Variants in DDX60L observed in about 807,000 individuals in gnomAD.
DDX60L encodes the protein probable ATP-dependent RNA helicase DDX60-like.
Under a neutral mutation model 211.6 loss-of-function variants are expected in DDX60L, and 191 were observed. The ratio of observed to expected loss-of-function variants is 0.90; its 90% CI spans 0.80 to 1.02. The LOEUF is 1.02. Ranked by LOEUF, DDX60L falls within the 50% of genes least tolerant of loss-of-function variation. The pLI is 0.00. For synonymous variants in DDX60L, 706 were observed against 694.1 expected (o/e 1.02, Z -0.27); for missense variants, 2,007 against 1,984.1 (o/e 1.01, Z -0.22).
chr4:168,370,981 C>A (rs1740904026), intron 36 of DDX60L, among the ~76,000 whole-genome samples: 1 of 152,048 alleles, frequency 6.6e-6, no homozygotes, highest in Admixed American at 6.6e-5. Flanking sequence ...TAGCAGACAC[C>A]AGCTAAGTTA....
At chr4:168,408,288 T>A (rs576519028) in intron 22 of DDX60L, among the ~76,000 whole-genome samples, 1 of 152,344 alleles carries the variant, frequency 6.6e-6, no homozygotes, top group South Asian at 2.1e-4. Flanking sequence ...CACCACAGAT[T>A]TGTTGTGAGG....
rs1249875544 is a variant in DDX60L, at chr4:168,404,673, G to C, written c.3214-567C>G. Among the ~76,000 whole-genome samples the C allele has an allele frequency of 3.3e-5, 5 of 152,250 alleles. No individual in the cohort carries two copies. The East Asian group carries it at 9.6e-4, about 29-fold the overall frequency. On this transcript the variant is annotated intron_variant, in intron 24 of 37. Coordinates refer to ENST00000682922, the MANE Select transcript of DDX60L (RefSeq NM_001012967.3). ...GTTCACCTCAGATATTGTTGAAATT[G>C]TGGATAGTAACTTTTATCCTACTAT...
chr4:168,470,076 T>C (rs773114276), intron 4 of DDX60L: 1 of 152,176 alleles, frequency 6.6e-6, no homozygotes, highest in Non-Finnish European at 1.5e-5. Flanking sequence ...CTTGAAAAAG[T>C]AGGCAACATC....
chr4:168,379,749 A>G lies in DDX60L; in HGVS notation c.4198T>C (p.Ser1400Pro). ...ACCTCTTTGATAAGGAGCTGCAAGG[A>G]AAACAAAAAGTAAAGTTTCAAAGTC... ...METLKLYFLF[S>P]LQLLIKEDYL... Residue 1400 changes from serine (S) to proline (P), a missense_variant, in exon 31 of 38, where the codon TCC becomes CCC. Transcript: ENST00000682922. 2 of 1,613,198 alleles carry G rather than the reference A, an allele frequency of 1.2e-6. No individual in the cohort carries two copies. Among genetic ancestry groups the G allele is most frequent in the African/African-American group, 1.3e-5 (1 of 75,026 alleles).
chr4:168,459,346 T>C (rs1756996361), intron 5 of DDX60L, among the ~76,000 whole-genome samples: 1 of 151,606 alleles, frequency 6.6e-6, no homozygotes, highest in Non-Finnish European at 1.5e-5. Flanking sequence ...AATATGGTTA[T>C]TCTTAAAGAG....
intron 11 of DDX60L, 73 bp downstream of exon 11, chr4:168,432,937 T>C (rs1752563781): frequency 2.2e-6 from 2 of 890,786 alleles, no homozygotes; most frequent in Non-Finnish European, 3.5e-6. Flanking sequence ...ACATAGACAT[T>C]TTGATGAGTC....
At chr4:168,454,029 T>C (rs187278186) in intron 7 of DDX60L, among the ~76,000 whole-genome samples, 1 of 152,290 alleles carries the variant, frequency 6.6e-6, no homozygotes, top group Admixed American at 6.5e-5. Flanking sequence ...TTAATCAATA[T>C]GAACTTTTGT....
At chr4:168,376,468 T>C (rs1211144410) in intron 33 of DDX60L, among the ~76,000 whole-genome samples, 1 of 152,158 alleles carries the variant, frequency 6.6e-6, no homozygotes, top group Non-Finnish European at 1.5e-5. Context: ...CAGGTAAGAA[T>C]TTTCCAGGGG....
At chr4:168,362,883 A>G (rs1739341491) in intron 36 of DDX60L, among the ~76,000 whole-genome samples, 1 of 152,200 alleles carries the variant, frequency 6.6e-6, no homozygotes, top group African/African-American at 2.4e-5. Context: ...AAGTAGAGAG[A>G]TATTTTGTTA....
chr4:168,432,469 T>C lies in DDX60L; in HGVS notation c.1502A>G (p.Lys501Arg), dbSNP rs769741980. 6.4e-7 allele frequency: 1 copy of C among 1,570,178 alleles called. No homozygotes were observed. The highest frequency in any genetic ancestry group is 1.8e-5 in the Admixed American group (1 of 56,084). Residue 501 changes from lysine to arginine, a missense_variant, in exon 12 of 38, where the codon AAA becomes AGA. Lys to Arg is a conservative substitution (Grantham distance 26, BLOSUM62 2). Coordinates refer to ENST00000682922, the MANE Select transcript of DDX60L (RefSeq NM_001012967.3). ...RLLSDDYDRI[K>R]CHVDEQSRDP... ...ACAGAGCTCACCATCAACATGACATTTGATCCTGTCATAGTCGTCACTAAG... is the reference window on the plus strand; with the variant it reads ...ACAGAGCTCACCATCAACATGACATCTGATCCTGTCATAGTCGTCACTAAG...
At chr4:168,467,457 A>AAAAAAG (rs1335482167) in intron 4 of DDX60L, among the ~76,000 whole-genome samples, 4 of 151,730 alleles carry the variant, frequency 2.6e-5, no homozygotes, top group East Asian at 1.9e-4. Context: ...AAAAAAAAAA[A>AAAAAAG]AAAATGAAAG....
chr4:168,412,065 G>A (rs1748768080), intron 22 of DDX60L, among the ~76,000 whole-genome samples: 1 of 152,006 alleles, frequency 6.6e-6, no homozygotes, highest in South Asian at 2.1e-4. Flanking sequence ...CTTGGGCCCT[G>A]AATAAGCAGC....
chr4:168,458,447 T>A (rs561923343), intron 5 of DDX60L, among the ~76,000 whole-genome samples: 2 of 152,306 alleles, frequency 1.3e-5, no homozygotes, highest in East Asian at 3.9e-4. Flanking sequence ...ATGTGGTACA[T>A]ATATTCCATG....
chr4:168,395,676 T>C (rs1215111128), intron 27 of DDX60L: 1 of 257,334 alleles, frequency 3.9e-6, no homozygotes, highest in Admixed American at 5.5e-5. Flanking sequence ...AATTAAAATA[T>C]ATCATATTGA....
intron 10 of DDX60L, among the ~76,000 whole-genome samples, chr4:168,438,177 GT>G (rs1249742556): frequency 1.3e-5 from 2 of 152,234 alleles, no homozygotes; most frequent in African/African-American, 4.8e-5. Context: ...CTGGCCCCAA[GT>G]TTTTAGACAA....
At chr4:168,364,960 CTT>C (rs1005791682) in intron 36 of DDX60L, among the ~76,000 whole-genome samples, 2 of 151,766 alleles carry the variant, frequency 1.3e-5, no homozygotes, top group African/African-American at 4.8e-5. Context: ...AAAAGGGAAA[CTT>C]AAATATTTCT....
Position 168,360,452 on chromosome 4 carries a change from C to T in DDX60L, c.4991+697G>A, listed in dbSNP as rs148324899. ...AGAAAGCTTCCCAAAGGGTCAGACT[C>T]GGCTCAGACCAAGGAAAACCACAAA... On this transcript the variant is annotated intron_variant, in intron 37 of 37. Coordinates refer to ENST00000682922, the MANE Select transcript of DDX60L (RefSeq NM_001012967.3). Among the ~76,000 whole-genome samples, 16 of 152,280 alleles carry T rather than the reference C, an allele frequency of 1.1e-4. No individual in the cohort carries two copies. In the Middle Eastern group the frequency reaches 0.017, roughly 162 times the overall value.
chr4:168,420,125 A>G (rs1344840466), intron 18 of DDX60L, 136 bp downstream of exon 18: 1 of 758,466 alleles, frequency 1.3e-6, no homozygotes, highest in East Asian at 3.4e-5. Flanking sequence ...AATTTTCCTT[A>G]GAGCAATTTC....
Position 168,430,646 on chromosome 4 carries a change from A to G in DDX60L, c.1517-8T>C. 1 of 1,518,936 alleles carries G rather than the reference A, an allele frequency of 6.6e-7. No homozygotes were observed. The highest frequency in any genetic ancestry group is 8.8e-7 in the Non-Finnish European group (1 of 1,133,068). The allele number at this position is 1,518,936 out of a possible 1,614,324, so 94.1% of individuals were successfully genotyped here. ...GAGGATCTCTAGATTGTTCTGAAAT[A>G]GAAAGACTTAAAATGTAAACATGTA... is the stretch of plus-strand genomic sequence containing the variant. On this transcript the variant is annotated splice_region_variant and splice_polypyrimidine_tract_variant and intron_variant, in intron 12 of 37. Coordinates refer to ENST00000682922, the MANE Select transcript of DDX60L (RefSeq NM_001012967.3).
Sources: allele counts gnomAD v4.1 joint callset (sites outside exome capture counted in the v4.1 genomes callset), GRCh38; gene constraint gnomAD v4.1.1; transcripts MANE v1.5; gene names NCBI Gene and HGNC (gene_info 2026-07-23, HGNC 2026-07-21).